FOXJ3: variants seen among roughly 807,000 people sequenced by gnomAD.
The protein encoded by FOXJ3 is forkhead box J3.
Under a neutral mutation model 76.1 loss-of-function variants are expected in FOXJ3, and 22 were observed. The observed-to-expected ratio is 0.29, with a 90% CI of 0.21 to 0.41. The LOEUF (loss-of-function observed/expected upper bound fraction) is 0.41. Ranked by LOEUF, FOXJ3 falls within the 10% of genes least tolerant of loss-of-function variation. The pLI, the probability that FOXJ3 is intolerant of heterozygous loss-of-function variation, is 1.00. For missense variants in FOXJ3, 613 were observed against 762.1 expected (o/e 0.80, Z 2.30); for synonymous variants, 269 against 261.2 (o/e 1.03, Z -0.29).
intron 1 of FOXJ3, among the ~76,000 whole-genome samples, chr1:42,317,426 TCA>T (rs1469578574): frequency 6.6e-6 from 1 of 151,526 alleles, no homozygotes; most frequent in Non-Finnish European, 1.5e-5. Flanking sequence ...TCATCTGCTT[TCA>T]GAGAGCAATT....
In FOXJ3 at chr1:42,191,374, T is replaced by C. The variant is rs575822123; in HGVS notation, c.1280A>G (p.His427Arg). Residue 427 changes from histidine (H) to arginine (R), a missense_variant, in exon 9 of 13, where the codon CAT (histidine) becomes CGT (arginine). His to Arg is a conservative substitution (Grantham distance 29). Around this residue, in one of 3 missense-constraint regions of FOXJ3, gnomAD observed 526 missense variants for 601.4 expected, o/e 0.87. Transcript: ENST00000361346. ...TAACGTCTGATGCTGATGGTTCGGA[T>C]GGTGCTGTATGTGTTGATGTGGAGA... ...HPSPHQHIQH[H>R]PNHQHQTLTH... is the part of the protein sequence containing the mutation. 6.9e-6 allele frequency: 11 copies of C among 1,594,468 alleles called. No homozygotes were observed. The highest frequency in any genetic ancestry group is 2.2e-5 in the East Asian group (1 of 44,520).
chr1:42,314,751 G>C (rs375936110), intron 1 of FOXJ3, among the ~76,000 whole-genome samples: 11 of 152,246 alleles, frequency 7.2e-5, no homozygotes, highest in Admixed American at 2.0e-4. Flanking sequence ...CAAAAACAAA[G>C]GCAACTCCTT....
In FOXJ3 at chr1:42,255,447, T is replaced by G. The variant is rs188302704; in HGVS notation, c.444+9668A>C. The stretch of plus-strand genomic sequence containing the variant: ...TGATTAACCCCAAAGGTTGCAGAAA[T>G]AAAGCAACGTTAAGAACAAAAGAAA... On this transcript the variant is annotated intron_variant, in intron 4 of 12. Coordinates refer to ENST00000361346, the MANE Select transcript of FOXJ3 (RefSeq NM_014947.5). Among the ~76,000 whole-genome samples, 119 of 152,128 alleles carry G rather than the reference T, an allele frequency of 7.8e-4. No individual in the cohort carries two copies. The Middle Eastern group carries it at 0.014, about 17-fold the overall frequency.
chr1:42,283,226 C>T (rs1370566896), intron 2 of FOXJ3, among the ~76,000 whole-genome samples: 4 of 152,168 alleles, frequency 2.6e-5, no homozygotes, highest in African/African-American at 9.7e-5. Context: ...AAGAATTTGT[C>T]TGCAGTTCTT....
intron 6 of FOXJ3, among the ~76,000 whole-genome samples, chr1:42,201,667 G>A (rs1021474805): frequency 6.6e-6 from 1 of 152,108 alleles, no homozygotes; most frequent in Admixed American, 6.5e-5. Flanking sequence ...CATGAGACTG[G>A]CTGAAAATTT....
intron 4 of FOXJ3, among the ~76,000 whole-genome samples, chr1:42,259,938 T>C (rs1348381702): frequency 6.6e-6 from 1 of 152,166 alleles, no homozygotes; most frequent in Non-Finnish European, 1.5e-5. Context: ...AGTGACAAAC[T>C]CTAAAGTCTC....
chr1:42,265,489 T>C (rs1651394531), intron 3 of FOXJ3, among the ~76,000 whole-genome samples: 1 of 152,182 alleles, frequency 6.6e-6, no homozygotes, highest in Non-Finnish European at 1.5e-5. Flanking sequence ...ATGTTAAATA[T>C]TAAATTCCAA....
chr1:42,234,452 T>G (rs556647838), intron 4 of FOXJ3, among the ~76,000 whole-genome samples: 1 of 152,320 alleles, frequency 6.6e-6, no homozygotes, highest in Admixed American at 6.5e-5. Flanking sequence ...AGGAGCTGTG[T>G]TCCTCTGGAG....
At chr1:42,216,301 G>A (rs1029499287) in intron 5 of FOXJ3, among the ~76,000 whole-genome samples, 19 of 151,830 alleles carry the variant, frequency 1.3e-4, no homozygotes, top group Middle Eastern at 3.4e-3. Context: ...GGCGGATCAC[G>A]AGGTCAGGAG....
intron 2 of FOXJ3, among the ~76,000 whole-genome samples, chr1:42,279,020 A>T (rs1652499621): frequency 6.6e-6 from 1 of 152,184 alleles, no homozygotes; most frequent in African/African-American, 2.4e-5. Flanking sequence ...GCTGCAGCCC[A>T]ACTCTTTTAC....
At chr1:42,333,301 A>G (rs1411696703) in intron 1 of FOXJ3, among the ~76,000 whole-genome samples, 1 of 152,220 alleles carries the variant, frequency 6.6e-6, no homozygotes, top group Non-Finnish European at 1.5e-5. Context: ...AAAAGTGAGA[A>G]TGCAGGCCAC....
chr1:42,185,402 C>T (rs1407008310), intron 11 of FOXJ3, among the ~76,000 whole-genome samples: 5 of 151,582 alleles, frequency 3.3e-5, no homozygotes, highest in East Asian at 3.9e-4. Flanking sequence ...GGACTACAGG[C>T]GCCTGCCACC....
At chr1:42,280,523 T>C (rs1339077731) in intron 2 of FOXJ3, 2 of 619,504 alleles carry the variant, frequency 3.2e-6, no homozygotes, top group East Asian at 1.4e-4. Flanking sequence ...CAAGAAGTTA[T>C]AGGGACTTGT....
At chr1:42,270,908 C>A (rs1391839746) in intron 3 of FOXJ3, among the ~76,000 whole-genome samples, 1 of 152,172 alleles carries the variant, frequency 6.6e-6, no homozygotes, top group Non-Finnish European at 1.5e-5. Context: ...CCAACTGCTA[C>A]ATTCTTATCC....
chr1:42,228,457 G>A (rs1342978104), intron 4 of FOXJ3, among the ~76,000 whole-genome samples: 4 of 150,986 alleles, frequency 2.6e-5, no homozygotes, highest in Admixed American at 6.6e-5. Flanking sequence ...TTACTCTGTC[G>A]TGACTTAACT....
chr1:42,187,924 A>G (rs1162817349), intron 11 of FOXJ3, among the ~76,000 whole-genome samples: 1 of 152,236 alleles, frequency 6.6e-6, no homozygotes, highest in African/African-American at 2.4e-5. Flanking sequence ...CAAAGGATAC[A>G]GGAATAAAGA....
intron 1 of FOXJ3, among the ~76,000 whole-genome samples, chr1:42,314,375 C>G (rs1654985678): frequency 1.3e-5 from 2 of 152,186 alleles, no homozygotes. Context: ...CTCAGCCTCT[C>G]AAGTAGATAG....
chr1:42,244,101 TA>T (rs1265911073), intron 4 of FOXJ3, among the ~76,000 whole-genome samples: 1 of 151,908 alleles, frequency 6.6e-6, no homozygotes, highest in Non-Finnish European at 1.5e-5. Context: ...AAGAAGGAAA[TA>T]AAAAACTTTC....
chr1:42,227,973 G>A lies in FOXJ3; in HGVS notation c.445-7C>T. 3 of 1,460,656 alleles carry A rather than the reference G, an allele frequency of 2.1e-6. No individual in the cohort carries two copies. The highest frequency in any genetic ancestry group is 2.8e-6 in the Non-Finnish European group (3 of 1,062,728). 90.5% of individuals were successfully genotyped at this position (1,460,656 alleles called of 1,614,324 possible). A position where few individuals can be genotyped will look rare whatever the true frequency, so the allele number is the denominator to read the frequency against. ...CTATTGCCCAGTAGGACCCCTAGAGGTAAAGAAATTATATTAACAGTATAT... is the reference window on the plus strand; with the variant it reads ...CTATTGCCCAGTAGGACCCCTAGAGATAAAGAAATTATATTAACAGTATAT... On this transcript the variant is annotated splice_region_variant and splice_polypyrimidine_tract_variant and intron_variant, in intron 4 of 12. Transcript: ENST00000361346.
Sources: allele counts gnomAD v4.1 joint callset (sites outside exome capture counted in the v4.1 genomes callset), GRCh38; gene constraint gnomAD v4.1.1; regional missense constraint gnomAD v4.1.1; transcripts MANE v1.5; gene names NCBI Gene and HGNC (gene_info 2026-07-23, HGNC 2026-07-21).